The following TBC1D22B variants were observed in gnomAD, a reference collection of about 807,000 sequenced individuals.
TBC1D22B encodes TBC1 domain family member 22B.
In TBC1D22B, 32 loss-of-function variants were observed where a neutral mutation model predicts 69.1. The observed-to-expected ratio is 0.46, with a 90% CI of 0.35 to 0.62. The LOEUF (loss-of-function observed/expected upper bound fraction) is 0.62, where lower values mean the gene tolerates loss of function less well. TBC1D22B is among the 20% of genes least tolerant of loss of function. The pLI is 0.00. For missense variants in TBC1D22B, 462 were observed against 630.9 expected (o/e 0.73, Z 2.87); for synonymous variants, 206 against 229.8 (o/e 0.90, Z 0.94).
chr6:37,286,952 C>CAAAAACAA, intron 6 of TBC1D22B, 55 bp from the exon 7 acceptor site: 1 of 1,545,110 alleles, frequency 6.5e-7, no homozygotes, highest in Non-Finnish European at 8.8e-7. Context: ...CTCAAAAAAA[C>CAAAAACAA]AAAAACAAAA....
At chr6:37,291,389 T>C (rs1312889630) in intron 8 of TBC1D22B, 32 bp downstream of exon 8, 1 of 1,440,976 alleles carries the variant, frequency 6.9e-7, no homozygotes, top group African/African-American at 1.4e-5. Flanking sequence ...CTGAACAAGC[T>C]ATTGCTCTTT....
intron 10 of TBC1D22B, among the ~76,000 whole-genome samples, chr6:37,314,395 A>C (rs549009380): frequency 6.6e-6 from 1 of 152,124 alleles, no homozygotes; most frequent in African/African-American, 2.4e-5. Flanking sequence ...CCTGGGCTTG[A>C]TATGGGGTCC....
intron 5 of TBC1D22B, among the ~76,000 whole-genome samples, 193 bp downstream of exon 5, chr6:37,283,145 A>G (rs1452961173): frequency 6.6e-6 from 1 of 152,208 alleles, no homozygotes; most frequent in Admixed American, 6.5e-5. Context: ...ACACACATGT[A>G]GTGGTACACA....
rs181280662 is a variant in TBC1D22B at position 37,270,249 on chromosome 6, C to T, written c.113+599C>T. ...GGTGGATTACTTGAGGTCAGGAGTTCGAGACCAGCCTGGCCAATATGGTGA... is the reference window on the plus strand; with the variant it reads ...GGTGGATTACTTGAGGTCAGGAGTTTGAGACCAGCCTGGCCAATATGGTGA... On this transcript the variant is annotated intron_variant, in intron 2 of 12. Transcript: ENST00000373491. 2.1e-4 allele frequency among the ~76,000 whole-genome samples: 32 copies of T among 152,022 alleles called. No individual in the cohort carries two copies. In the East Asian group the frequency reaches 3.3e-3, roughly 16 times the overall value.
intron 1 of TBC1D22B, among the ~76,000 whole-genome samples, chr6:37,267,384 AAT>A (rs68059341): frequency 0.86 from 121,502 of 140,538 alleles, 52,656 homozygotes; most frequent in South Asian, 0.92. Context: ...ACACATATAT[AAT>A]ATATATATAC....
At chr6:37,258,590 C>G (rs897800182) in intron 1 of TBC1D22B, among the ~76,000 whole-genome samples, 1 of 152,186 alleles carries the variant, frequency 6.6e-6, no homozygotes, top group African/African-American at 2.4e-5. Flanking sequence ...TTTGTCCAAC[C>G]CCAAGTGACT....
intron 12 of TBC1D22B, among the ~76,000 whole-genome samples, chr6:37,324,634 C>G (rs1768341492): frequency 6.6e-6 from 1 of 151,892 alleles, no homozygotes; most frequent in South Asian, 2.1e-4. Context: ...GACTTAATGA[C>G]TAAATAAAAG....
chr6:37,294,589 G>C (rs1767298584), intron 8 of TBC1D22B, among the ~76,000 whole-genome samples: 2 of 152,144 alleles, frequency 1.3e-5, no homozygotes, highest in Admixed American at 6.5e-5. Flanking sequence ...TGAAGCCCGT[G>C]CTCATTTACC....
chr6:37,289,507 G>A (rs1767111134), intron 7 of TBC1D22B, among the ~76,000 whole-genome samples: 1 of 152,182 alleles, frequency 6.6e-6, no homozygotes, highest in Non-Finnish European at 1.5e-5. Context: ...GTTCCACCCT[G>A]ACTAGAGAGG....
intron 8 of TBC1D22B, among the ~76,000 whole-genome samples, chr6:37,305,611 G>A (rs942607834): frequency 2.2e-4 from 34 of 151,316 alleles, no homozygotes; most frequent in African/African-American, 5.8e-4. Flanking sequence ...TCTGCCTCCC[G>A]GGTTCACGCC....
rs578128344 is a variant in TBC1D22B, at chr6:37,322,612, T to A, written c.1389+5406T>A. Among the ~76,000 whole-genome samples the A allele has an allele frequency of 5.9e-5, 9 of 152,248 alleles. No homozygotes were observed. In the South Asian group the frequency reaches 1.9e-3, roughly 32 times the overall value. Reference sequence around the variant, plus strand: ...CTGAGAGACCTGCTATCCCCATAGGTGTTTGTAATAAAAACATGTTTTTAT... The same window carrying A: ...CTGAGAGACCTGCTATCCCCATAGGAGTTTGTAATAAAAACATGTTTTTAT... On this transcript the variant is annotated intron_variant, in intron 12 of 12. Coordinates refer to ENST00000373491, the MANE Select transcript of TBC1D22B (RefSeq NM_017772.4).
At chr6:37,276,705 C>T (rs576137505) in intron 2 of TBC1D22B, among the ~76,000 whole-genome samples, 184 of 152,114 alleles carry the variant, frequency 1.2e-3, no homozygotes, top group African/African-American at 3.6e-3. Context: ...CCGAGGAGGG[C>T]AGATCACCTG....
At chr6:37,311,627 C>T (rs7768516) in intron 8 of TBC1D22B, among the ~76,000 whole-genome samples, 4,823 of 151,846 alleles carry the variant, frequency 0.032, 241 homozygotes, top group African/African-American at 0.11. Flanking sequence ...GAGCCGAGAT[C>T]GTGCCACTGC....
chr6:37,272,705 G>A lies in TBC1D22B; in HGVS notation c.113+3055G>A, dbSNP rs1367006010. Among the ~76,000 whole-genome samples the A allele has an allele frequency of 3.3e-5, 5 of 152,246 alleles. No individual in the cohort carries two copies. The East Asian group carries it at 7.7e-4, about 23-fold the overall frequency. The stretch of plus-strand genomic sequence containing the variant: ...ACCTGGCTGTTAGCTCTTAAGGGGA[G>A]CATGTTTTCTGTGATATCTGTGTGA... On this transcript the variant is annotated intron_variant, in intron 2 of 12. Transcript: ENST00000373491.
chr6:37,312,275 A>AC (rs558539631), intron 8 of TBC1D22B, among the ~76,000 whole-genome samples: 33 of 151,634 alleles, frequency 2.2e-4, no homozygotes, highest in South Asian at 1.9e-3. Flanking sequence ...TGTCTGTGGA[A>AC]CCCCCCCTTT....
intron 1 of TBC1D22B, among the ~76,000 whole-genome samples, chr6:37,263,446 T>C (rs1766173160): frequency 6.6e-6 from 1 of 152,190 alleles, no homozygotes; most frequent in African/African-American, 2.4e-5. Context: ...TATGGATCTG[T>C]GAATATATGT....
intron 7 of TBC1D22B, among the ~76,000 whole-genome samples, chr6:37,290,703 A>G (rs920199122): frequency 2.0e-5 from 3 of 151,410 alleles, no homozygotes; most frequent in African/African-American, 7.4e-5. Flanking sequence ...ACTTCCTGCA[A>G]TGTGCAGTCT....
intron 10 of TBC1D22B, among the ~76,000 whole-genome samples, chr6:37,314,327 T>A (rs1455940294): frequency 6.6e-6 from 1 of 152,224 alleles, no homozygotes; most frequent in Non-Finnish European, 1.5e-5. Flanking sequence ...CTCCATTGCC[T>A]TCAGCATCCA....
intron 10 of TBC1D22B, 89 bp downstream of exon 10, chr6:37,313,980 T>C: frequency 4.9e-6 from 6 of 1,221,120 alleles, no homozygotes; most frequent in South Asian, 2.4e-5. Context: ...TCCTCAGCTG[T>C]CTTCCTAGCC....
Sources: gnomAD v4.1 joint callset for allele counts (sites outside exome capture counted in the v4.1 genomes callset) on GRCh38, gnomAD v4.1.1 for gene constraint, MANE v1.5 for transcripts, NCBI Gene and HGNC (gene_info 2026-07-23, HGNC 2026-07-21) for gene names.